SCRG1: variants seen among roughly 807,000 people sequenced by gnomAD.
SCRG1 encodes stimulator of chondrogenesis 1, also known as scrapie-responsive protein 1.
SCRG1 carries 3 observed loss-of-function variants against 7.7 expected under a neutral mutation model. The ratio of observed to expected loss-of-function variants is 0.39; its 90% confidence interval spans 0.18 to 1.01. The LOEUF (loss-of-function observed/expected upper bound fraction) is 1.01, where lower values mean the gene tolerates loss of function less well. Ranked by LOEUF, SCRG1 falls within the 50% of genes least tolerant of loss-of-function variation. SCRG1 has a pLI of 0.36. For missense variants in SCRG1, 110 were observed against 117.2 expected (o/e 0.94, Z 0.28); for synonymous variants, 46 against 41.2 (o/e 1.12, Z -0.44).
the SCRG1 span, among the ~76,000 whole-genome samples, chr4:173,482,623 G>C: frequency 2.0e-5 from 3 of 152,042 alleles, no homozygotes; most frequent in South Asian, 4.2e-4. Flanking sequence ...TTTGAGACCA[G>C]CCGTGGCAAC....
chr4:173,452,973 T>G, the SCRG1 span, among the ~76,000 whole-genome samples: 3 of 152,188 alleles, frequency 2.0e-5, no homozygotes, highest in Non-Finnish European at 4.4e-5. Context: ...ATTTTTACCC[T>G]AGAGTGTCAT....
the SCRG1 span, among the ~76,000 whole-genome samples, chr4:173,457,928 T>A: frequency 0.11 from 16,582 of 152,138 alleles, 965 homozygotes; most frequent in African/African-American, 0.13. Flanking sequence ...CCCTGAGAGC[T>A]TTCTATTGAT....
At chr4:173,487,522 T>C in the SCRG1 span, among the ~76,000 whole-genome samples, 1 of 152,216 alleles carries the variant, frequency 6.6e-6, no homozygotes, top group Non-Finnish European at 1.5e-5. Context: ...TTGCTCTTGA[T>C]GGGTTTCCTT....
chr4:173,480,090 G>A, the SCRG1 span, among the ~76,000 whole-genome samples: 1 of 151,954 alleles, frequency 6.6e-6, no homozygotes, highest in African/African-American at 2.4e-5. Context: ...TCTCATCTCA[G>A]TTTCTTGAGT....
chr4:173,456,403 A>G, the SCRG1 span, among the ~76,000 whole-genome samples: 1 of 152,210 alleles, frequency 6.6e-6, no homozygotes, highest in African/African-American at 2.4e-5. Context: ...ATGAATCTGA[A>G]GTTCTGATTT....
chr4:173,455,434 C>T, the SCRG1 span, among the ~76,000 whole-genome samples: 10 of 152,096 alleles, frequency 6.6e-5, no homozygotes, highest in Non-Finnish European at 8.8e-5. Context: ...AGTGAAGGGG[C>T]ATCGCAGTTG....
chr4:173,491,199 TTCTC>T, the SCRG1 span, among the ~76,000 whole-genome samples: 5,895 of 145,904 alleles, frequency 0.04, 181 homozygotes, highest in Non-Finnish European at 0.06. Context: ...TAATACAGAA[TTCTC>T]TCTCTCTCTC....
At chr4:173,485,275 C>A in the SCRG1 span, among the ~76,000 whole-genome samples, 3 of 47,810 alleles carry the variant, frequency 6.3e-5, no homozygotes, top group African/African-American at 1.6e-4. Flanking sequence ...ACTTCTCAGC[C>A]TTGGTCTCAA....
chr4:173,443,325 C>T, the SCRG1 span, among the ~76,000 whole-genome samples: 3 of 151,844 alleles, frequency 2.0e-5, no homozygotes, highest in African/African-American at 7.3e-5. Context: ...TAGAATGAGC[C>T]CTTGTATTAT....
the SCRG1 span, among the ~76,000 whole-genome samples, chr4:173,451,643 T>C: frequency 4.6e-5 from 4 of 86,156 alleles, no homozygotes; most frequent in African/African-American, 1.1e-4. Context: ...ATTTTATTTA[T>C]TTATTTATTT....
chr4:173,428,992 A>C, the SCRG1 span, among the ~76,000 whole-genome samples: 1 of 152,214 alleles, frequency 6.6e-6, no homozygotes, highest in East Asian at 1.9e-4. Flanking sequence ...CTTTTAAAAA[A>C]TGTATTGTTG....
the SCRG1 span, among the ~76,000 whole-genome samples, chr4:173,420,354 A>G: frequency 8.9e-4 from 135 of 152,334 alleles, 2 homozygotes; most frequent in East Asian, 8.9e-3. Context: ...TAAGAGGGAA[A>G]GGGTCTTGTG....
chr4:173,402,063 C>A (rs1459210590), upstream of SCRG1, among the ~76,000 whole-genome samples: 1 of 152,114 alleles, frequency 6.6e-6, no homozygotes, highest in Non-Finnish European at 1.5e-5. Flanking sequence ...GTTACTCAGA[C>A]CTCTTATCGA....
chr4:173,491,298 CG>C, the SCRG1 span, among the ~76,000 whole-genome samples: 6 of 150,454 alleles, frequency 4.0e-5, no homozygotes, highest in Non-Finnish European at 7.4e-5. Flanking sequence ...ATCTTTGCTC[CG>C]GGATCTGGGC....
chr4:173,472,411 A>G, the SCRG1 span, among the ~76,000 whole-genome samples: 1 of 152,188 alleles, frequency 6.6e-6, no homozygotes, highest in Non-Finnish European at 1.5e-5. Context: ...AAAGTATAGG[A>G]AGGGATTTAT....
the SCRG1 span, among the ~76,000 whole-genome samples, chr4:173,457,913 T>G: frequency 6.6e-6 from 1 of 152,194 alleles, no homozygotes; most frequent in Admixed American, 6.5e-5. Flanking sequence ...TACTGTTTTC[T>G]TGTTCCCTGA....
the SCRG1 span, among the ~76,000 whole-genome samples, chr4:173,497,683 T>G: frequency 2.7e-5 from 4 of 148,052 alleles, no homozygotes; most frequent in Non-Finnish European, 6.0e-5. Context: ...CTTTTTTTTT[T>G]TTTTTGAGAC....
intron 1 of SCRG1, among the ~76,000 whole-genome samples, chr4:173,393,939 T>G (rs939850223): frequency 3.3e-5 from 5 of 152,164 alleles, no homozygotes; most frequent in Non-Finnish European, 5.9e-5. Context: ...CCACTCTGCT[T>G]TCTTTTAGTT....
chr4:173,467,778 T>C, the SCRG1 span: 4 of 152,214 alleles, frequency 2.6e-5, no homozygotes, highest in South Asian at 2.1e-4. Context: ...CATAGAGTCA[T>C]GCAAGCTAGC....
Sources: allele counts gnomAD v4.1 joint callset (sites outside exome capture counted in the v4.1 genomes callset), GRCh38; gene constraint gnomAD v4.1.1; transcripts MANE v1.5; gene names NCBI Gene and HGNC (gene_info 2026-07-23, HGNC 2026-07-21).